Variants in IPP observed in about 807,000 individuals in gnomAD.
The protein encoded by IPP is actin-binding protein IPP.
In IPP, 41 loss-of-function variants were observed where a neutral mutation model predicts 64.1. The observed-to-expected ratio is 0.64, with a 90% confidence interval of 0.50 to 0.83. IPP has a LOEUF of 0.83. Among genes scored for constraint, IPP ranks in the 40% least tolerant of loss-of-function variants. The pLI is 0.00. For missense variants in IPP, 649 were observed against 703.0 expected (o/e 0.92, Z 0.87); for synonymous variants, 214 against 235.2 (o/e 0.91, Z 0.83).
Position 45,703,683 on chromosome 1 carries a change from G to GT in IPP, c.1531-3494dup, listed in dbSNP as rs1267307215. 2.0e-5 allele frequency among the ~76,000 whole-genome samples: 3 copies of GT among 152,202 alleles called. No homozygotes were observed. The East Asian group carries it at 5.8e-4, about 29-fold the overall frequency. Reference sequence around the variant, plus strand: ...AATATAGTTGACCAGGGAAACTCAAGTTACTCAATTCCTATTAACAGTGCA... The same window carrying GT: ...AATATAGTTGACCAGGGAAACTCAAGTTTACTCAATTCCTATTAACAGTGCA... On this transcript the variant is annotated intron_variant, in intron 8 of 8. Coordinates refer to ENST00000396478, the MANE Select transcript of IPP (RefSeq NM_005897.3).
chr1:45,713,560 C>CAA (rs71062703), intron 8 of IPP, among the ~76,000 whole-genome samples: 188 of 148,030 alleles, frequency 1.3e-3, no homozygotes, highest in South Asian at 0.012. Flanking sequence ...AACTCCGTCT[C>CAA]AAAAAAAAAA....
In IPP at chr1:45,699,852, T is replaced by C. The variant is rs1471347779; in HGVS notation, c.*114A>G. On this transcript the variant is annotated 3_prime_UTR_variant, in exon 9 of 9. Coordinates refer to ENST00000396478, the MANE Select transcript of IPP (RefSeq NM_005897.3). ...CCTCGTTAGTCATTTATCTACCAAA[T>C]ACATGGAAAACTCACAGAATCAGAG... The C allele has an allele frequency of 2.7e-6, 4 of 1,504,832 alleles. No individual in the cohort carries two copies. In the East Asian group the frequency reaches 7.0e-5, roughly 26 times the overall value. The allele number at this position is 1,504,832 out of a possible 1,614,324, so 93.2% of individuals were successfully genotyped here.
At position 45,748,386 on chromosome 1, in the gene IPP, G is replaced by T. The variant is rs116789003; in HGVS notation, c.-50-1925C>A. Among the ~76,000 whole-genome samples the T allele has an allele frequency of 3.8e-3, 572 of 152,156 alleles. 4 individuals are homozygous for T. Among genetic ancestry groups the T allele is most frequent in the African/African-American group, 0.013 (541 of 41,496 alleles). On this transcript the variant is annotated intron_variant, in intron 1 of 8. Transcript: ENST00000396478. Reference sequence around the variant, plus strand: ...TAAATTTTTTAAAGAGGGTGAAAGGGGCTGGGCACAGTGGCTCATACCTGT... The same window carrying T: ...TAAATTTTTTAAAGAGGGTGAAAGGTGCTGGGCACAGTGGCTCATACCTGT...
downstream of IPP, among the ~76,000 whole-genome samples, chr1:45,695,965 G>A (rs899047681): frequency 4.6e-5 from 7 of 152,066 alleles, no homozygotes; most frequent in South Asian, 2.1e-4. Flanking sequence ...CACCGTGCCC[G>A]GCCTGTATAT....
intron 5 of IPP, among the ~76,000 whole-genome samples, chr1:45,724,138 C>T (rs1185255942): frequency 4.6e-5 from 7 of 152,160 alleles, no homozygotes; most frequent in African/African-American, 1.7e-4. Flanking sequence ...CGCGCCGCCA[C>T]GCCTGACTGG....
At chr1:45,745,575 C>T (rs1019234077) in intron 2 of IPP, among the ~76,000 whole-genome samples, 1 of 151,920 alleles carries the variant, frequency 6.6e-6, no homozygotes, top group Admixed American at 6.6e-5. Flanking sequence ...AATAAAGTCA[C>T]AGGCCAGGCG....
At chr1:45,721,348 G>C (rs1272537751) in intron 5 of IPP, among the ~76,000 whole-genome samples, 1 of 152,198 alleles carries the variant, frequency 6.6e-6, no homozygotes, top group Non-Finnish European at 1.5e-5. Flanking sequence ...TGAAGGTCTG[G>C]AATTTTGGTA....
chr1:45,715,100 T>C (rs1645639659), intron 7 of IPP, among the ~76,000 whole-genome samples: 1 of 146,296 alleles, frequency 6.8e-6, no homozygotes, highest in Admixed American at 7.1e-5. Flanking sequence ...GAGACTGAGG[T>C]GGGAGGATGG....
chr1:45,726,013 T>C (rs1370479128), intron 5 of IPP, among the ~76,000 whole-genome samples: 7 of 146,416 alleles, frequency 4.8e-5, no homozygotes, highest in African/African-American at 1.0e-4. Context: ...GTTTATCTGC[T>C]GACCTTCCCT....
At chr1:45,700,305 T>C (rs1569939001) in intron 8 of IPP, 115 bp from the exon 9 acceptor site, 3 of 1,376,766 alleles carry the variant, frequency 2.2e-6, no homozygotes, top group Non-Finnish European at 2.9e-6. Context: ...TAAAACTATC[T>C]AGTCAGGTAA....
At chr1:45,712,566 G>GA (rs1645604479) in intron 8 of IPP, among the ~76,000 whole-genome samples, 1 of 150,518 alleles carries the variant, frequency 6.6e-6, no homozygotes. Context: ...ATTTAAAAAA[G>GA]AAAAAAAAGG....
At chr1:45,726,420 C>G (rs1184251494) in intron 5 of IPP, among the ~76,000 whole-genome samples, 2 of 151,992 alleles carry the variant, frequency 1.3e-5, no homozygotes, top group Non-Finnish European at 2.9e-5. Flanking sequence ...ATCACCAGAT[C>G]ATGCCATTGC....
chr1:45,716,193 A>G (rs1645656701), intron 7 of IPP, among the ~76,000 whole-genome samples: 1 of 152,194 alleles, frequency 6.6e-6, no homozygotes, highest in African/African-American at 2.4e-5. Context: ...GCGGCATCAC[A>G]ATGTACTTTG....
Position 45,719,220 on chromosome 1 carries a change from C to A in IPP, c.1169G>T (p.Gly390Val). 1 of 1,613,924 alleles carries A rather than the reference C, an allele frequency of 6.2e-7. No homozygotes were observed. Among genetic ancestry groups the A allele is most frequent in the Non-Finnish European group, 8.5e-7 (1 of 1,179,948 alleles). The change falls in exon 6 of 9, where the codon GGG (glycine) becomes GTG (valine). Residue 390 changes from glycine (G) to valine (V), a missense_variant. Transcript: ENST00000396478. Reference sequence around the variant, plus strand: ...ATAATTACCCAAAGCATAGATAGCCCCATAACACACACACACTCCTAAGCC... The same window carrying A: ...ATAATTACCCAAAGCATAGATAGCCACATAACACACACACACTCCTAAGCC... ...RCGLGVCVCYGAIYALGGWVG... is the reference protein window; with the variant it reads ...RCGLGVCVCYVAIYALGGWVG...
In IPP at chr1:45,746,112, T is replaced by C; in HGVS notation, c.292+8A>G. 6.2e-7 allele frequency: 1 copy of C among 1,606,606 alleles called. No individual in the cohort carries two copies. The highest frequency in any genetic ancestry group is 8.5e-7 in the Non-Finnish European group (1 of 1,173,724). On this transcript the variant is annotated splice_region_variant and intron_variant, in intron 2 of 8. Coordinates refer to ENST00000396478, the MANE Select transcript of IPP (RefSeq NM_005897.3). ...CTTCAGTCAAAGCAACAGACTCATG[T>C]AACATACCTGTGTAAATGAAATCTA...
chr1:45,696,220 C>T (rs1557733970), downstream of IPP, among the ~76,000 whole-genome samples: 1 of 152,114 alleles, frequency 6.6e-6, no homozygotes. Flanking sequence ...TTTAAGAAAA[C>T]TGATTTTTAA....
chr1:45,745,413 A>C (rs575052961), intron 2 of IPP, among the ~76,000 whole-genome samples: 1 of 152,114 alleles, frequency 6.6e-6, no homozygotes, highest in African/African-American at 2.4e-5. Context: ...CCTGATTTTT[A>C]AAATTTTATA....
chr1:45,700,932 C>G (rs1645442443), intron 8 of IPP, among the ~76,000 whole-genome samples: 1 of 152,162 alleles, frequency 6.6e-6, no homozygotes, highest in South Asian at 2.1e-4. Context: ...GAGAATGACA[C>G]AGCATGGAAC....
In IPP at chr1:45,727,684, G is replaced by T; in HGVS notation, c.995C>A (p.Ala332Asp). 6.3e-7 allele frequency: 1 copy of T among 1,594,566 alleles called. No homozygotes were observed. Among genetic ancestry groups the T allele is most frequent in the South Asian group, 1.1e-5 (1 of 88,574 alleles). The stretch of plus-strand genomic sequence containing the variant: ...AACTGTTACTCCCAGCCCACTTCGA[G>T]CCTGATGAAGTGAAGACACAGTGGT... ...YWTTVSSLHQARSGLGVTVLG... is the reference protein window; with the variant it reads ...YWTTVSSLHQDRSGLGVTVLG... The change falls in exon 5 of 9, where the codon GCT becomes GAT. Residue 332 changes from alanine (A) to aspartate (D), a missense_variant. Physicochemically the swap from Ala to Asp is moderately radical, Grantham distance 126 (BLOSUM62 -2). Coordinates refer to ENST00000396478, the MANE Select transcript of IPP (RefSeq NM_005897.3).
Sources: allele counts gnomAD v4.1 joint callset (sites outside exome capture counted in the v4.1 genomes callset), GRCh38; gene constraint gnomAD v4.1.1; transcripts MANE v1.5; gene names NCBI Gene and HGNC (gene_info 2026-07-23, HGNC 2026-07-21).